The following CWH43 variants were observed in gnomAD, a reference collection of about 807,000 sequenced individuals.
CWH43 encodes the protein cell wall biogenesis 43 C-terminal homolog, also known as PGAP2-interacting protein.
CWH43 carries 91 observed loss-of-function variants against 85.7 expected under a neutral mutation model. The observed-to-expected ratio is 1.06, with a 90% CI of 0.90 to 1.26. The LOEUF (loss-of-function observed/expected upper bound fraction) is 1.26. CWH43 is among the 50% of genes most tolerant of loss of function. CWH43 has a pLI of 0.00. For missense variants in CWH43, 869 were observed against 839.2 expected (o/e 1.04, Z -0.44); for synonymous variants, 323 against 293.6 (o/e 1.10, Z -1.02).
chr4:49,028,633 CAACCAA>C lies in CWH43; in HGVS notation c.1273_1278del (p.Thr425_Lys426del), dbSNP rs776142218. ...ACCATTAAAACAATTCCTCAGGCAC[CAACCAA>C]AGAGGTCTCTGCTGCCATCTGGCCT... On this transcript the variant is annotated inframe_deletion, in exon 10 of 16. Transcript: ENST00000226432. 7 of 1,612,142 alleles carry C rather than the reference CAACCAA, an allele frequency of 4.3e-6. No individual in the cohort carries two copies. The highest frequency in any genetic ancestry group is 5.9e-6 in the Non-Finnish European group (7 of 1,178,840).
chr4:49,060,011 G>A (rs1382594877), intron 15 of CWH43, among the ~76,000 whole-genome samples: 1 of 152,116 alleles, frequency 6.6e-6, no homozygotes, highest in Non-Finnish European at 1.5e-5. Flanking sequence ...TGTCCTATGG[G>A]CCTGTACTCT....
Position 48,998,544 on chromosome 4 carries a change from T to C in CWH43, c.798T>C (p.Val266=), listed in dbSNP as rs780991037. The part of the protein sequence containing the change: ...WFRGTGLIWW[V]TGTASAAGLL... ...GTGGTACTGGTTTGATCTGGTGGGT[T>C]ACAGGTATGTGGAATTTACCTGCAG... is the stretch of plus-strand genomic sequence containing the variant. The change falls in exon 6 of 16, where the codon GTT becomes GTC. Residue 266 remains valine (V), a synonymous_variant. Coordinates refer to ENST00000226432, the MANE Select transcript of CWH43 (RefSeq NM_025087.3). 6.2e-7 allele frequency: 1 copy of C among 1,612,612 alleles called. No individual in the cohort carries two copies. The highest frequency in any genetic ancestry group is 2.2e-5 in the East Asian group (1 of 44,884).
At chr4:49,021,737 G>C (rs1335193059) in intron 9 of CWH43, among the ~76,000 whole-genome samples, 1 of 152,042 alleles carries the variant, frequency 6.6e-6, no homozygotes, top group Non-Finnish European at 1.5e-5. Flanking sequence ...GCAGTGTTTT[G>C]TAATTTTCCT....
At chr4:49,037,601 C>T (rs1784299402) in intron 12 of CWH43, among the ~76,000 whole-genome samples, 1 of 151,500 alleles carries the variant, frequency 6.6e-6, no homozygotes, top group Non-Finnish European at 1.5e-5. Flanking sequence ...GTTGAAGGAG[C>T]TTAGGTTACA....
chr4:49,041,908 T>C (rs2768969), intron 13 of CWH43, among the ~76,000 whole-genome samples: 91,892 of 152,100 alleles, frequency 0.6, 30,304 homozygotes, highest in Middle Eastern at 0.78. Flanking sequence ...ATGGCCATAC[T>C]TTGCTGTACA....
chr4:48,999,831 G>A (rs1782933041), intron 6 of CWH43, among the ~76,000 whole-genome samples: 1 of 152,092 alleles, frequency 6.6e-6, no homozygotes, highest in Non-Finnish European at 1.5e-5. Flanking sequence ...GTCCATGTCT[G>A]CTTACTCAAA....
intron 15 of CWH43, among the ~76,000 whole-genome samples, chr4:49,059,018 T>G (rs540176625): frequency 7.9e-5 from 12 of 152,304 alleles, no homozygotes; most frequent in Non-Finnish European, 1.5e-4. Context: ...CTCTCCAAAT[T>G]TGGAAAGTTC....
intron 9 of CWH43, among the ~76,000 whole-genome samples, chr4:49,022,178 C>T (rs766563242): frequency 3.9e-5 from 6 of 151,926 alleles, no homozygotes; most frequent in African/African-American, 7.3e-5. Flanking sequence ...TAATGTTGGC[C>T]GTGGGTTTAT....
At chr4:49,058,210 G>T (rs901648726) in intron 15 of CWH43, among the ~76,000 whole-genome samples, 8 of 151,822 alleles carry the variant, frequency 5.3e-5, no homozygotes, top group Admixed American at 5.3e-4. Context: ...TGAGTTTTTT[G>T]GTAACAGTAT....
At chr4:49,034,993 C>T (rs1339339992) in intron 12 of CWH43, among the ~76,000 whole-genome samples, 2 of 152,194 alleles carry the variant, frequency 1.3e-5, no homozygotes, top group Non-Finnish European at 2.9e-5. Flanking sequence ...GTCCCAAGCA[C>T]ACAGCTAGAC....
At chr4:48,999,381 A>G (rs1307397349) in intron 6 of CWH43, among the ~76,000 whole-genome samples, 1 of 152,230 alleles carries the variant, frequency 6.6e-6, no homozygotes, top group African/African-American at 2.4e-5. Flanking sequence ...ACTGCAATAA[A>G]CATACGCGTG....
At chr4:48,991,717 C>A in intron 3 of CWH43, 143 bp downstream of exon 3, 1 of 1,038,782 alleles carries the variant, frequency 9.6e-7, no homozygotes, top group Non-Finnish European at 1.4e-6. Flanking sequence ...TTTCCCAAAA[C>A]AAGGACATGA....
chr4:49,017,887 T>G (rs1170582517), intron 9 of CWH43, among the ~76,000 whole-genome samples: 2 of 151,646 alleles, frequency 1.3e-5, no homozygotes, highest in Non-Finnish European at 2.9e-5. Context: ...CCGGCTGGAG[T>G]GCAGTGGTGC....
chr4:49,016,423 T>A (rs1696542724), intron 8 of CWH43, among the ~76,000 whole-genome samples: 1 of 152,032 alleles, frequency 6.6e-6, no homozygotes, highest in Non-Finnish European at 1.5e-5. Context: ...GGATGGTTTA[T>A]CTCCTGCCTT....
chr4:49,049,161 T>A (rs1394904323), intron 14 of CWH43, among the ~76,000 whole-genome samples: 1 of 152,260 alleles, frequency 6.6e-6, no homozygotes, highest in African/African-American at 2.4e-5. Flanking sequence ...TACACAGAAG[T>A]GCACAGATTT....
chr4:48,999,476 T>A (rs903458880), intron 6 of CWH43, among the ~76,000 whole-genome samples: 1 of 152,214 alleles, frequency 6.6e-6, no homozygotes, highest in Admixed American at 6.5e-5. Flanking sequence ...TAATTCTGTT[T>A]TGAGGAATTG....
At chr4:48,995,370 T>A (rs1187336534) in intron 5 of CWH43, among the ~76,000 whole-genome samples, 1 of 152,206 alleles carries the variant, frequency 6.6e-6, no homozygotes, top group Non-Finnish European at 1.5e-5. Context: ...CAAGTGTTGG[T>A]CCTTGTGTTT....
intron 15 of CWH43, among the ~76,000 whole-genome samples, chr4:49,053,222 C>A (rs777151662): frequency 6.6e-6 from 1 of 152,108 alleles, no homozygotes; most frequent in Non-Finnish European, 1.5e-5. Flanking sequence ...AATTATATTT[C>A]TTGGCTATAG....
chr4:49,040,576 T>A (rs1560510106), intron 13 of CWH43, among the ~76,000 whole-genome samples: 2 of 152,224 alleles, frequency 1.3e-5, no homozygotes, highest in African/African-American at 4.8e-5. Context: ...CTTGGCCCAC[T>A]TTTTGATGGG....
Sources: allele counts gnomAD v4.1 joint callset (sites outside exome capture counted in the v4.1 genomes callset), GRCh38; gene constraint gnomAD v4.1.1; transcripts MANE v1.5; gene names NCBI Gene and HGNC (gene_info 2026-07-23, HGNC 2026-07-21).